Variants in KCNIP4 observed in about 807,000 individuals in gnomAD.
KCNIP4 encodes the protein Kv channel-interacting protein 4.
Under a neutral mutation model 34.0 loss-of-function variants are expected in KCNIP4, and 12 were observed. The ratio of observed to expected loss-of-function variants is 0.35; its 90% CI spans 0.23 to 0.57. The LOEUF is 0.57. KCNIP4 is among the 20% of genes least tolerant of loss of function. The pLI, the probability that KCNIP4 is intolerant of heterozygous loss-of-function variation, is 0.83. For missense variants in KCNIP4, 238 were observed against 311.7 expected, an observed-to-expected ratio of 0.76 and a Z score of 1.78; for synonymous variants, 124 against 102.2, an observed-to-expected ratio of 1.21 and a Z score of -1.29.
chr4:21,884,703 C>T (rs1726659340), intron 1 of KCNIP4, among the ~76,000 whole-genome samples: 1 of 152,104 alleles, frequency 6.6e-6, no homozygotes, highest in South Asian at 2.1e-4. Context: ...GTCTTCAGGA[C>T]ATGTTGCTAG....
In KCNIP4 at chr4:20,903,583, A is replaced by T. The variant is rs143304498; in HGVS notation, c.62-20874T>A. Among the ~76,000 whole-genome samples the T allele has an allele frequency of 2.9e-3, 434 of 152,242 alleles. 5 individuals carry two copies. The highest frequency in any genetic ancestry group is 0.01 in the African/African-American group (422 of 41,552). ...TCAAAAGATGGTTAAATTTACCTAT[A>T]GCCTGAAGCCCCCACTTTGAGTTGT... is the stretch of plus-strand genomic sequence containing the variant. On this transcript the variant is annotated intron_variant, in intron 1 of 8. Transcript: ENST00000382152.
intron 1 of KCNIP4, among the ~76,000 whole-genome samples, chr4:21,819,597 A>G (rs1443712848): frequency 2.6e-5 from 4 of 152,182 alleles, no homozygotes; most frequent in African/African-American, 4.8e-5. Flanking sequence ...ACACATGTTT[A>G]TTAAATGAAA....
At chr4:21,798,891 G>A (rs1720815029) in intron 1 of KCNIP4, among the ~76,000 whole-genome samples, 1 of 151,854 alleles carries the variant, frequency 6.6e-6, no homozygotes, top group Non-Finnish European at 1.5e-5. Flanking sequence ...TTATATATTT[G>A]GTGTATCAAT....
At chr4:21,390,669 T>C (rs954348659) in intron 1 of KCNIP4, among the ~76,000 whole-genome samples, 4 of 152,222 alleles carry the variant, frequency 2.6e-5, no homozygotes, top group Non-Finnish European at 5.9e-5. Context: ...TATATATCTG[T>C]TTTGGTACCA....
At chr4:20,927,375 G>A (rs894762148) in intron 1 of KCNIP4, among the ~76,000 whole-genome samples, 1 of 152,088 alleles carries the variant, frequency 6.6e-6, no homozygotes, top group Non-Finnish European at 1.5e-5. Context: ...TTAGGGAGTG[G>A]CAAAAGAAAA....
chr4:20,828,714 C>T (rs546086868), intron 3 of KCNIP4, among the ~76,000 whole-genome samples: 11 of 152,176 alleles, frequency 7.2e-5, no homozygotes, highest in Admixed American at 3.9e-4. Context: ...CCATTTCATT[C>T]TGTATTTTCT....
chr4:21,625,955 G>A (rs766736432), intron 1 of KCNIP4, among the ~76,000 whole-genome samples: 15 of 152,172 alleles, frequency 9.9e-5, no homozygotes, highest in Admixed American at 3.3e-4. Context: ...ACCCACAAAT[G>A]AGAGGCTAGG....
intron 1 of KCNIP4, among the ~76,000 whole-genome samples, chr4:21,030,423 A>G (rs1740916461): frequency 6.6e-6 from 1 of 152,148 alleles, no homozygotes; most frequent in Non-Finnish European, 1.5e-5. Flanking sequence ...ATATATTACT[A>G]TGTAATAATA....
chr4:21,728,120 A>T (rs10012055), intron 1 of KCNIP4, among the ~76,000 whole-genome samples: 11 of 151,956 alleles, frequency 7.2e-5, no homozygotes, highest in South Asian at 6.2e-4. Context: ...TCAGTAAACA[A>T]TGACAATTTC....
At chr4:20,845,495 C>T (rs1346421402) in intron 3 of KCNIP4, among the ~76,000 whole-genome samples, 1 of 152,170 alleles carries the variant, frequency 6.6e-6, no homozygotes, top group African/African-American at 2.4e-5. Context: ...TCCAATCCCA[C>T]CACCCTCTGC....
chr4:21,842,804 G>A (rs1228949499), intron 1 of KCNIP4, among the ~76,000 whole-genome samples: 1 of 152,024 alleles, frequency 6.6e-6, no homozygotes, highest in East Asian at 1.9e-4. Context: ...AGGGCTAAGA[G>A]TAAAACAGCT....
chr4:20,979,717 T>C (rs914646779), intron 1 of KCNIP4, among the ~76,000 whole-genome samples: 1 of 151,982 alleles, frequency 6.6e-6, no homozygotes, highest in Non-Finnish European at 1.5e-5. Context: ...CTTTCTTACC[T>C]GTGAACTCAT....
At chr4:21,529,535 T>A (rs1052260593) in intron 1 of KCNIP4, among the ~76,000 whole-genome samples, 2 of 152,182 alleles carry the variant, frequency 1.3e-5, no homozygotes, top group Admixed American at 1.3e-4. Context: ...TAGAAATCAA[T>A]CTTAGTTTTT....
chr4:21,798,404 C>CATATATAT (rs112991875), intron 1 of KCNIP4, among the ~76,000 whole-genome samples: 23 of 129,668 alleles, frequency 1.8e-4, no homozygotes, highest in South Asian at 2.5e-4. Context: ...CAAAAAAATA[C>CATATATAT]ATATATATAT....
chr4:21,946,022 G>A (rs1001840309), intron 1 of KCNIP4, among the ~76,000 whole-genome samples: 11 of 147,836 alleles, frequency 7.4e-5, no homozygotes, highest in Non-Finnish European at 1.2e-4. Context: ...TACTAGATGC[G>A]TTTACTTGTT....
chr4:21,658,419 C>G (rs780116850), intron 1 of KCNIP4, among the ~76,000 whole-genome samples: 152 of 151,952 alleles, frequency 1.0e-3, no homozygotes, highest in Non-Finnish European at 1.9e-3. Flanking sequence ...GGGCACATCC[C>G]TTTTTTATTT....
At chr4:20,851,915 G>A (rs894770837) in intron 2 of KCNIP4, among the ~76,000 whole-genome samples, 13 of 152,090 alleles carry the variant, frequency 8.5e-5, no homozygotes, top group Admixed American at 7.9e-4. Flanking sequence ...CTTGGGAGGC[G>A]GAGGTGGGAG....
intron 3 of KCNIP4, among the ~76,000 whole-genome samples, chr4:20,832,059 T>G (rs1718494255): frequency 6.6e-6 from 1 of 151,012 alleles, no homozygotes; most frequent in South Asian, 2.1e-4. Flanking sequence ...AGTTTGTTAC[T>G]TTTTTTTTCA....
chr4:21,937,177 T>A (rs970580458), intron 1 of KCNIP4, among the ~76,000 whole-genome samples: 11 of 152,114 alleles, frequency 7.2e-5, no homozygotes, highest in Non-Finnish European at 1.0e-4. Context: ...TGCATTTCCA[T>A]CTGCCTTTGG....
Sources: allele counts gnomAD v4.1 joint callset (sites outside exome capture counted in the v4.1 genomes callset), GRCh38; gene constraint gnomAD v4.1.1; transcripts MANE v1.5; gene names NCBI Gene and HGNC (gene_info 2026-07-23, HGNC 2026-07-21).